GCFC2: variants seen among roughly 807,000 people sequenced by gnomAD.
The protein encoded by GCFC2 is intron Large complex component GCFC2.
Under a neutral mutation model 99.4 loss-of-function variants are expected in GCFC2, and 102 were observed. The ratio of observed to expected loss-of-function variants is 1.03; its 90% CI spans 0.87 to 1.21. The LOEUF is 1.21. Among genes scored for constraint, GCFC2 ranks in the 50% most tolerant of loss-of-function variants. GCFC2 has a pLI of 0.00. For synonymous variants in GCFC2, 338 were observed against 316.8 expected, an observed-to-expected ratio of 1.07 and a Z score of -0.71; for missense variants, 973 against 920.9, an observed-to-expected ratio of 1.06 and a Z score of -0.73.
chr2:75,711,061 G>A (rs1681164297), upstream of GCFC2: 3 of 1,314,800 alleles, frequency 2.3e-6, no homozygotes, highest in Non-Finnish European at 2.9e-6. Flanking sequence ...TCTGGGGCCT[G>A]AGTTTGCAAA....
Position 75,694,364 on chromosome 2 carries a change from A to G in GCFC2, c.897T>C (p.Asp299=), listed in dbSNP as rs200871909. The change falls in exon 6 of 17, where the codon GAT becomes GAC. Residue 299 remains aspartate, a synonymous_variant. Coordinates refer to ENST00000321027, the MANE Select transcript of GCFC2 (RefSeq NM_003203.5). Reference sequence around the variant, plus strand: ...GGATGGTACTCTTTGAGCTTTTGACATCTTGTACGTATTTTTCATACTCCC... The same window carrying G: ...GGATGGTACTCTTTGAGCTTTTGACGTCTTGTACGTATTTTTCATACTCCC... ...HLREYEKYVQ[D]VKSSKSTIQN... The G allele has an allele frequency of 3.6e-5, 55 of 1,533,770 alleles. No individual in the cohort carries two copies. In the East Asian group the frequency reaches 9.2e-4, roughly 26 times the overall value.
intron 12 of GCFC2, among the ~76,000 whole-genome samples, chr2:75,676,981 C>T (rs1233535076): frequency 6.6e-6 from 1 of 152,172 alleles, no homozygotes; most frequent in Non-Finnish European, 1.5e-5. Flanking sequence ...GAGAAGATAT[C>T]TAATACTAAC....
chr2:75,681,083 C>T (rs935811903), intron 11 of GCFC2, among the ~76,000 whole-genome samples: 2 of 152,216 alleles, frequency 1.3e-5, no homozygotes, highest in Non-Finnish European at 2.9e-5. Context: ...CATCACCCTA[C>T]AAACAACTAT....
In GCFC2 at chr2:75,677,805, C is replaced by T. The variant is rs116492564; in HGVS notation, c.1812+2388G>A. ...CATCCTGGCTAATACAGTGAAACCC[C>T]GTCTCTACTAAAAGCACACAAAATT... On this transcript the variant is annotated intron_variant, in intron 12 of 16. Transcript: ENST00000321027. 8.1e-3 allele frequency among the ~76,000 whole-genome samples: 1,236 copies of T among 152,180 alleles called. 10 individuals carry two copies. The highest frequency in any genetic ancestry group is 0.013 in the Non-Finnish European group (863 of 68,002).
intron 9 of GCFC2, among the ~76,000 whole-genome samples, chr2:75,689,606 T>C (rs995999893): frequency 7.9e-5 from 12 of 152,134 alleles, no homozygotes; most frequent in Non-Finnish European, 1.0e-4. Context: ...GCCTAGAATT[T>C]TTCAACTATA....
intron 4 of GCFC2, among the ~76,000 whole-genome samples, chr2:75,697,210 T>C (rs1019702109): frequency 5.3e-5 from 8 of 152,230 alleles, no homozygotes; most frequent in African/African-American, 1.9e-4. Flanking sequence ...GCTTGGAATG[T>C]TCAAAAGATC....
At chr2:75,665,559 G>C (rs1312156739) in intron 16 of GCFC2, among the ~76,000 whole-genome samples, 1 of 152,170 alleles carries the variant, frequency 6.6e-6, no homozygotes. Context: ...AGAACAGAGA[G>C]CTAGCTACTG....
Position 75,665,953 on chromosome 2 carries a change from T to A in GCFC2, c.2204A>T (p.His735Leu). 6.3e-7 allele frequency: 1 copy of A among 1,594,362 alleles called. No homozygotes were observed. The highest frequency in any genetic ancestry group is 8.6e-7 in the Non-Finnish European group (1 of 1,164,592). ...CCTGAATTCACTTCTAGATAATTTA[T>A]GTGCAGACTGCAATAAAAACTGAAT... ...NFIQFLLQSA[H>L]KLSRSEFRDE... The change falls in exon 16 of 17, where the codon CAT (histidine) becomes CTT (leucine). Residue 735 changes from histidine to leucine, a missense_variant. Physicochemically the swap from His to Leu is moderately conservative, Grantham distance 99. Transcript: ENST00000321027.
rs73936790 is a variant in GCFC2, at chr2:75,685,769, A to G, written c.1690+2058T>C. ...GGACCTCCCCCTTTAAGACTCATGT[A>G]TTCAACAACTGACTTGACATGTCCA... On this transcript the variant is annotated intron_variant, in intron 11 of 16. Coordinates refer to ENST00000321027, the MANE Select transcript of GCFC2 (RefSeq NM_003203.5). 7.0e-3 allele frequency among the ~76,000 whole-genome samples: 1,058 copies of G among 152,220 alleles called. 8 individuals carry two copies. Among genetic ancestry groups the G allele is most frequent in the African/African-American group, 0.024 (1,011 of 41,524 alleles).
intron 5 of GCFC2, among the ~76,000 whole-genome samples, chr2:75,695,931 G>A (rs1680298216): frequency 6.6e-6 from 1 of 152,094 alleles, no homozygotes; most frequent in Admixed American, 6.5e-5. Flanking sequence ...CATATGAATT[G>A]TTTATTTCTG....
chr2:75,709,432 G>C (rs1204872197), intron 1 of GCFC2, among the ~76,000 whole-genome samples: 1 of 152,178 alleles, frequency 6.6e-6, no homozygotes, highest in Admixed American at 6.5e-5. Context: ...AGGACATTAT[G>C]TTACATGAAA....
upstream of GCFC2, among the ~76,000 whole-genome samples, chr2:75,713,021 C>T (rs75800369): frequency 5.3e-5 from 8 of 152,142 alleles, no homozygotes; most frequent in African/African-American, 1.4e-4. Context: ...CCAAAGGAAT[C>T]GAGAAGAGGC....
At chr2:75,693,430 ACT>A (rs981698644) in intron 6 of GCFC2, among the ~76,000 whole-genome samples, 6 of 152,178 alleles carry the variant, frequency 3.9e-5, no homozygotes, top group Admixed American at 2.6e-4. Flanking sequence ...ACAGAGCGAG[ACT>A]CTGTCCCCCT....
chr2:75,697,779 T>G (rs763747798), intron 4 of GCFC2: 1 of 152,162 alleles, frequency 6.6e-6, no homozygotes, highest in Admixed American at 6.6e-5. Context: ...TCCTAAGAGA[T>G]AGGGAATTTT....
chr2:75,686,200 C>G (rs1046045633), intron 11 of GCFC2, among the ~76,000 whole-genome samples: 3 of 152,002 alleles, frequency 2.0e-5, no homozygotes, highest in Non-Finnish European at 2.9e-5. Flanking sequence ...TCTAACACAC[C>G]CCACAAATGC....
intron 6 of GCFC2, 29 bp from the exon 7 acceptor site, chr2:75,692,129 C>A: frequency 8.8e-7 from 1 of 1,131,266 alleles, no homozygotes; most frequent in South Asian, 2.0e-5. Context: ...TAACATTTTG[C>A]AGGTCATCGA....
chr2:75,689,833 AAAAATGT>A, intron 9 of GCFC2, 129 bp downstream of exon 9: 3 of 591,724 alleles, frequency 5.1e-6, no homozygotes, highest in Non-Finnish European at 9.0e-6. Context: ...CTTACAGAGG[AAAAATGT>A]GTTTCATTTT....
In GCFC2 at chr2:75,710,710, C is replaced by T; in HGVS notation, c.146G>A (p.Gly49Glu). The part of the protein sequence containing the change: ...GSAEEEPPSG[G>E]GRAQVAGLPH... ...CAGTCCCGCCACCTGCGCGCGGCCTCCTCCAGAGGGCGGCTCTTCCTCCGC... is the reference window on the plus strand; with the variant it reads ...CAGTCCCGCCACCTGCGCGCGGCCTTCTCCAGAGGGCGGCTCTTCCTCCGC... The change falls in exon 1 of 17, where the codon GGA (glycine) becomes GAA (glutamate). Residue 49 changes from glycine (G) to glutamate (E), a missense_variant. By Grantham distance (98) the Gly-to-Glu change is moderately conservative. Coordinates refer to ENST00000321027, the MANE Select transcript of GCFC2 (RefSeq NM_003203.5). 6.5e-7 allele frequency: 1 copy of T among 1,544,206 alleles called. No homozygotes were observed. The highest frequency in any genetic ancestry group is 2.5e-5 in the East Asian group (1 of 40,110).
intron 1 of GCFC2, among the ~76,000 whole-genome samples, chr2:75,708,131 G>A (rs1394128135): frequency 6.6e-6 from 1 of 152,116 alleles, no homozygotes; most frequent in Non-Finnish European, 1.5e-5. Flanking sequence ...CTAACAAACC[G>A]ATTATTCAGA....
Sources: allele counts gnomAD v4.1 joint callset (sites outside exome capture counted in the v4.1 genomes callset), GRCh38; gene constraint gnomAD v4.1.1; transcripts MANE v1.5; gene names NCBI Gene and HGNC (gene_info 2026-07-23, HGNC 2026-07-21).